Variants in IL5RA observed in about 807,000 individuals in gnomAD.
IL5RA encodes the protein interleukin 5 receptor subunit alpha, also known as interleukin-5 receptor subunit alpha.
IL5RA carries 49 observed loss-of-function variants against 50.0 expected under a neutral mutation model. The observed-to-expected ratio is 0.98, with a 90% CI of 0.78 to 1.24. IL5RA has a LOEUF of 1.24. Among genes scored for constraint, IL5RA ranks in the 50% most tolerant of loss-of-function variants. The probability of loss-of-function intolerance (pLI) is 0.00; values close to 1 mark genes in which losing one functional copy is unlikely to be tolerated. For missense variants in IL5RA, 600 were observed against 500.4 expected (o/e 1.20, Z -1.90); for synonymous variants, 202 against 174.0 (o/e 1.16, Z -1.26).
intron 11 of IL5RA, among the ~76,000 whole-genome samples, chr3:3,074,579 G>A (rs1207008173): frequency 1.3e-5 from 2 of 152,106 alleles, no homozygotes; most frequent in Admixed American, 6.5e-5. Context: ...GACCAGCCTG[G>A]ACAACATAGC....
At chr3:3,083,950 C>A (rs141911601) in intron 9 of IL5RA, among the ~76,000 whole-genome samples, 1 of 150,318 alleles carries the variant, frequency 6.7e-6, no homozygotes, top group East Asian at 2.0e-4. Context: ...GTGGCTGAGG[C>A]AGGAAAATTG....
In IL5RA at chr3:3,068,952, A is replaced by G. The variant is rs1355451315; in HGVS notation, c.*1273T>C. The G allele has an allele frequency of 6.6e-6, 1 of 152,228 alleles. No individual in the cohort carries two copies. Among genetic ancestry groups the G allele is most frequent in the Non-Finnish European group, 1.5e-5 (1 of 68,050 alleles). The allele number at this position is 152,228 out of a possible 1,614,324, so 9.4% of individuals were successfully genotyped here. On this transcript the variant is annotated 3_prime_UTR_variant, in exon 12 of 12. Coordinates refer to ENST00000446632, the MANE Select transcript of IL5RA (RefSeq NM_175726.4). The stretch of plus-strand genomic sequence containing the variant: ...CAACCCTCTGCTAGTTACAGTGGAT[A>G]ATTACAGGTTAGTTAAGAAAACAAA...
chr3:3,071,586 TGTGTGTGTGTA>T (rs1247147318), intron 11 of IL5RA, among the ~76,000 whole-genome samples: 85 of 143,230 alleles, frequency 5.9e-4, no homozygotes, highest in East Asian at 1.5e-3. Context: ...TGTGTGTGTG[TGTGTGTGTGTA>T]TTTTTTTTTT....
At chr3:3,084,945 G>C (rs1261603800) in intron 9 of IL5RA, among the ~76,000 whole-genome samples, 1 of 152,256 alleles carries the variant, frequency 6.6e-6, no homozygotes, top group Non-Finnish European at 1.5e-5. Flanking sequence ...TGCCTAGAAG[G>C]GTGATGTAGG....
At chr3:3,071,179 C>G (rs1304101755) in intron 11 of IL5RA, among the ~76,000 whole-genome samples, 1 of 152,214 alleles carries the variant, frequency 6.6e-6, no homozygotes, top group African/African-American at 2.4e-5. Context: ...AGCCACAGTG[C>G]CGTGTCTCGG....
chr3:3,104,483 C>A (rs934669707), intron 3 of IL5RA, among the ~76,000 whole-genome samples: 1 of 152,220 alleles, frequency 6.6e-6, no homozygotes, highest in African/African-American at 2.4e-5. Flanking sequence ...CAATGCTAGA[C>A]TGGGACCATG....
At chr3:3,096,368 C>T (rs1243233947) in intron 7 of IL5RA, among the ~76,000 whole-genome samples, 3 of 151,532 alleles carry the variant, frequency 2.0e-5, no homozygotes, top group Non-Finnish European at 4.4e-5. Flanking sequence ...CCCTTGAGAT[C>T]TCACTTGATT....
intron 9 of IL5RA, among the ~76,000 whole-genome samples, chr3:3,081,993 T>G (rs1445741409): frequency 2.0e-5 from 3 of 152,184 alleles, no homozygotes; most frequent in Non-Finnish European, 4.4e-5. Context: ...GAAAATTTTG[T>G]GCAAGCAAAA....
chr3:3,084,919 C>A (rs993279965), intron 9 of IL5RA, among the ~76,000 whole-genome samples: 1 of 152,392 alleles, frequency 6.6e-6, no homozygotes. Context: ...GCCATCCCTC[C>A]ATGAGGCAGA....
At chr3:3,089,406 T>C (rs2125968194) in intron 9 of IL5RA, among the ~76,000 whole-genome samples, 1 of 152,372 alleles carries the variant, frequency 6.6e-6, no homozygotes, top group South Asian at 2.1e-4. Flanking sequence ...ATCTACCTGC[T>C]GTGTGTCAGA....
At chr3:3,072,786 C>T (rs1470790262) in intron 11 of IL5RA, among the ~76,000 whole-genome samples, 1 of 152,212 alleles carries the variant, frequency 6.6e-6, no homozygotes, top group Non-Finnish European at 1.5e-5. Flanking sequence ...GTGGCGGGCA[C>T]CTGTAATCCC....
At position 3,092,381 on chromosome 3, in the gene IL5RA, C is replaced by A. The variant is rs745313714; in HGVS notation, c.856-19G>T. ...TTTCTATCTAAGTGGGGAAAGATAG[C>A]ATTAGAAGAATCTCTAGACACCTAA... On this transcript the variant is annotated intron_variant, in intron 8 of 11. Transcript: ENST00000446632. The surrounding 1 kb of genome is among the most constrained non-coding windows in gnomAD (Gnocchi z 4.2). 6.2e-7 allele frequency: 1 copy of A among 1,609,258 alleles called. No individual in the cohort carries two copies. Among genetic ancestry groups the A allele is most frequent in the South Asian group, 1.1e-5 (1 of 90,958 alleles).
At chr3:3,077,262 C>G (rs1365604745) in intron 9 of IL5RA, among the ~76,000 whole-genome samples, 1 of 152,180 alleles carries the variant, frequency 6.6e-6, no homozygotes, top group African/African-American at 2.4e-5. Flanking sequence ...TTTAAATTTG[C>G]TTTGAATCTA....
In IL5RA at chr3:3,068,614, A is replaced by AAAAAAG. The variant is rs1559856794; in HGVS notation, c.*1610_*1611insCTTTTT. The AAAAAAG allele has an allele frequency of 7.4e-6, 1 of 135,618 alleles. No homozygotes were observed. The highest frequency in any genetic ancestry group is 2.7e-5 in the African/African-American group (1 of 37,014). The allele number at this position is 135,618 out of a possible 1,614,324, so 8.4% of individuals were successfully genotyped here. A position where few individuals can be genotyped will look rare whatever the true frequency, so the allele number is the denominator to read the frequency against. On this transcript the variant is annotated 3_prime_UTR_variant, in exon 12 of 12. Coordinates refer to ENST00000446632, the MANE Select transcript of IL5RA (RefSeq NM_175726.4). ...AAAAAAAAAAAAAAAAAAAACAAAA[A>AAAAAAG]CAGGTTTGAGATTATGAATCATTTG...
At chr3:3,070,357 T>TG (rs1247241297) in intron 11 of IL5RA, 46 bp from the exon 12 acceptor site, 2 of 1,265,956 alleles carry the variant, frequency 1.6e-6, no homozygotes, top group Admixed American at 3.8e-5. Flanking sequence ...AGAGAACTTT[T>TG]GGGTTCTTTG....
At chr3:3,080,466 T>C (rs17879044) in intron 9 of IL5RA, among the ~76,000 whole-genome samples, 5 of 152,202 alleles carry the variant, frequency 3.3e-5, no homozygotes, top group African/African-American at 1.2e-4. Flanking sequence ...GCTTCACTTA[T>C]TTTAAGCATT....
chr3:3,087,332 C>G (rs988088321), intron 9 of IL5RA, among the ~76,000 whole-genome samples: 1 of 152,164 alleles, frequency 6.6e-6, no homozygotes, highest in Non-Finnish European at 1.5e-5. Context: ...ACTATACCCC[C>G]TCCCTGCTGT....
chr3:3,097,394 C>T (rs1277948186), intron 7 of IL5RA, among the ~76,000 whole-genome samples: 5 of 146,236 alleles, frequency 3.4e-5, no homozygotes, highest in Non-Finnish European at 7.4e-5. Flanking sequence ...CTCAAATCAC[C>T]TGGGGTGGCA....
At position 3,092,362 on chromosome 3, in the gene IL5RA, T is replaced by C. The variant is rs1168900547; in HGVS notation, c.856A>G (p.Ile286Val). The C allele has an allele frequency of 6.2e-7, 1 of 1,612,666 alleles. No homozygotes were observed. Among genetic ancestry groups the C allele is most frequent in the East Asian group, 2.2e-5 (1 of 44,880 alleles). Residue 286 changes from isoleucine to valine, a missense_variant and splice_region_variant, in exon 9 of 12, where the codon ATA becomes GTA. Transcript: ENST00000446632. The surrounding 1 kb of genome is among the most constrained non-coding windows in gnomAD (Gnocchi z 4.2). ...AATGCATTGGTCATCAATTTTTCTA[T>C]CTAAGTGGGGAAAGATAGCATTAGA... Reference protein sequence around the residue: ...IHNTRNGYLQIEKLMTNAFIS... With the variant: ...IHNTRNGYLQVEKLMTNAFIS...
Sources: gnomAD v4.1 joint callset for allele counts (sites outside exome capture counted in the v4.1 genomes callset) on GRCh38, gnomAD v4.1.1 for gene constraint, Gnocchi (gnomAD v3.1) non-coding constraint, MANE v1.5 for transcripts, NCBI Gene and HGNC (gene_info 2026-07-23, HGNC 2026-07-21) for gene names.